ANKS1B: variants seen among roughly 807,000 people sequenced by gnomAD.
ANKS1B encodes the protein ankyrin repeat and sterile alpha motif domain containing 1B, also known as ankyrin repeat and sterile alpha motif domain-containing protein 1B.
ANKS1B carries 36 observed loss-of-function variants against 148.3 expected under a neutral mutation model. The observed-to-expected ratio is 0.24, with a 90% CI of 0.19 to 0.32. The LOEUF is 0.32. Among genes scored for constraint, ANKS1B ranks in the 10% least tolerant of loss-of-function variants. ANKS1B has a pLI of 1.00. For synonymous variants in ANKS1B, 542 were observed against 560.8 expected, an observed-to-expected ratio of 0.97 and a Z score of 0.47; for missense variants, 1,157 against 1,542.6, an observed-to-expected ratio of 0.75 and a Z score of 4.19.
intron 15 of ANKS1B, among the ~76,000 whole-genome samples, chr12:99,139,457 T>TTTCC: frequency 1.2e-5 from 1 of 85,848 alleles, no homozygotes; most frequent in South Asian, 4.6e-4. Context: ...TCTTTCTTTC[T>TTTCC]TTCAAGATAG....
intron 17 of ANKS1B, among the ~76,000 whole-genome samples, chr12:99,051,277 T>C (rs1047067286): frequency 3.3e-5 from 5 of 152,332 alleles, no homozygotes; most frequent in Admixed American, 1.3e-4. Flanking sequence ...CTTACTTCAG[T>C]GAAAACATAT....
chr12:99,453,962 T>G (rs148400115), intron 10 of ANKS1B, among the ~76,000 whole-genome samples: 1 of 151,330 alleles, frequency 6.6e-6, no homozygotes, highest in Non-Finnish European at 1.5e-5. Context: ...AAAGAGAAAG[T>G]GAAGAAAAAA....
At chr12:98,809,433 G>C (rs1321860181) in intron 19 of ANKS1B, among the ~76,000 whole-genome samples, 1 of 152,124 alleles carries the variant, frequency 6.6e-6, no homozygotes, top group Non-Finnish European at 1.5e-5. Flanking sequence ...CACATCTTCT[G>C]CAACTTTCAC....
intron 4 of ANKS1B, among the ~76,000 whole-genome samples, chr12:99,790,096 T>C (rs2065466698): frequency 6.6e-6 from 1 of 151,950 alleles, no homozygotes; most frequent in South Asian, 2.1e-4. Context: ...CAAAGATAAA[T>C]AAATAATCCT....
At chr12:99,024,024 G>A (rs892639113) in intron 17 of ANKS1B, among the ~76,000 whole-genome samples, 1 of 151,042 alleles carries the variant, frequency 6.6e-6, no homozygotes, top group African/African-American at 2.4e-5. Context: ...TTTACTTGCA[G>A]TGCCGAGAAT....
rs2092521558 is a variant in ANKS1B, at chr12:99,362,248, ACCG to A, written c.1756+37380_1756+37382del. Among the ~76,000 whole-genome samples, 3 of 152,034 alleles carry A rather than the reference ACCG, an allele frequency of 2.0e-5. No homozygotes were observed. The South Asian group carries it at 6.2e-4, about 31-fold the overall frequency. On this transcript the variant is annotated intron_variant, in intron 12 of 26. Coordinates refer to ENST00000683438, the MANE Select transcript of ANKS1B (RefSeq NM_001352186.2). ...CTTGATATAATAAAACCTTATACTC[ACCG>A]CCAACATTAGACGAGTTAAAATTTC...
chr12:99,604,098 G>C (rs1336593820), intron 9 of ANKS1B, among the ~76,000 whole-genome samples: 2 of 151,988 alleles, frequency 1.3e-5, no homozygotes, highest in African/African-American at 4.8e-5. Flanking sequence ...ATTAACTATA[G>C]ACAAGACTTA....
chr12:99,222,384 C>A (rs562841873), intron 14 of ANKS1B, among the ~76,000 whole-genome samples: 1 of 152,204 alleles, frequency 6.6e-6, no homozygotes, highest in South Asian at 2.1e-4. Context: ...GAAGCCAAGG[C>A]AGGTGGATCT....
intron 8 of ANKS1B, among the ~76,000 whole-genome samples, chr12:99,664,429 A>G (rs2098495447): frequency 6.6e-6 from 1 of 152,068 alleles, no homozygotes; most frequent in Non-Finnish European, 1.5e-5. Flanking sequence ...AAAGAAAACA[A>G]ATGAAATTTT....
intron 8 of ANKS1B, among the ~76,000 whole-genome samples, chr12:99,696,882 T>G (rs1363412784): frequency 6.6e-6 from 1 of 152,068 alleles, no homozygotes; most frequent in East Asian, 1.9e-4. Context: ...AAATACAACA[T>G]AAGAAAACAA....
At chr12:98,966,953 G>A (rs919462240) in intron 17 of ANKS1B, among the ~76,000 whole-genome samples, 9 of 151,976 alleles carry the variant, frequency 5.9e-5, no homozygotes, top group Non-Finnish European at 1.0e-4. Context: ...ACGAGTAAAT[G>A]GGTGTAGCAC....
At chr12:99,897,173 G>T (rs2093414940) in intron 1 of ANKS1B, among the ~76,000 whole-genome samples, 1 of 151,258 alleles carries the variant, frequency 6.6e-6, no homozygotes, top group African/African-American at 2.4e-5. Context: ...TTATAGCTGG[G>T]TTTAATGCCT....
At chr12:99,962,422 T>G (rs968027050) in intron 1 of ANKS1B, among the ~76,000 whole-genome samples, 3 of 152,236 alleles carry the variant, frequency 2.0e-5, no homozygotes, top group Non-Finnish European at 4.4e-5. Flanking sequence ...ATGGTGCATA[T>G]GTACCACATT....
In ANKS1B at chr12:99,835,658, A is replaced by G. The variant is rs181333008; in HGVS notation, c.135-10269T>C. 3.7e-4 allele frequency among the ~76,000 whole-genome samples: 57 copies of G among 152,352 alleles called. 1 individual carries two copies. Among genetic ancestry groups the G allele is most frequent in the Admixed American group, 3.3e-3 (50 of 15,302 alleles). On this transcript the variant is annotated intron_variant, in intron 1 of 26. Transcript: ENST00000683438. ...TATTTTACACTTATAGCACATCACAATTAGGACTAGCCACATTTCAAATGC... is the reference window on the plus strand; with the variant it reads ...TATTTTACACTTATAGCACATCACAGTTAGGACTAGCCACATTTCAAATGC...
At chr12:99,424,620 GAAACAC>G (rs2095197327) in intron 11 of ANKS1B, among the ~76,000 whole-genome samples, 1 of 132,244 alleles carries the variant, frequency 7.6e-6, no homozygotes, top group South Asian at 2.3e-4. Flanking sequence ...ACAGGTAGCA[GAAACAC>G]ACACACACAC....
intron 17 of ANKS1B, among the ~76,000 whole-genome samples, chr12:98,946,402 T>C (rs939217306): frequency 6.6e-6 from 1 of 152,202 alleles, no homozygotes; most frequent in African/African-American, 2.4e-5. Context: ...TTTTGTTATA[T>C]TTCCTCATTC....
At chr12:99,810,185 G>A (rs1335734710) in intron 3 of ANKS1B, among the ~76,000 whole-genome samples, 2 of 151,990 alleles carry the variant, frequency 1.3e-5, no homozygotes, top group Non-Finnish European at 2.9e-5. Context: ...TAGTTTTACA[G>A]AGCATGATTT....
intron 1 of ANKS1B, among the ~76,000 whole-genome samples, chr12:99,905,686 A>G (rs552883017): frequency 6.6e-6 from 1 of 152,182 alleles, no homozygotes; most frequent in Non-Finnish European, 1.5e-5. Context: ...AGGCCTCTCA[A>G]TCTGGCATGC....
At chr12:99,193,606 T>C (rs539515342) in intron 14 of ANKS1B, among the ~76,000 whole-genome samples, 4 of 152,206 alleles carry the variant, frequency 2.6e-5, no homozygotes, top group African/African-American at 9.6e-5. Context: ...TTGTCTTATG[T>C]TGTAGGAGTG....
Sources: gnomAD v4.1 joint callset for allele counts (sites outside exome capture counted in the v4.1 genomes callset) on GRCh38, gnomAD v4.1.1 for gene constraint, MANE v1.5 for transcripts, NCBI Gene and HGNC (gene_info 2026-07-23, HGNC 2026-07-21) for gene names.